The following PDE1B variants were observed in gnomAD, a reference collection of about 807,000 sequenced individuals.
The protein encoded by PDE1B is dual specificity calcium/calmodulin-dependent 3',5'-cyclic nucleotide phosphodiesterase 1B.
In PDE1B, 13 loss-of-function variants were observed where a neutral mutation model predicts 66.7. The ratio of observed to expected loss-of-function variants is 0.19; its 90% CI spans 0.13 to 0.31. The LOEUF is 0.31. PDE1B is among the 10% of genes least tolerant of loss of function. The pLI is 1.00. For synonymous variants in PDE1B, 230 were observed against 253.9 expected (o/e 0.91, Z 0.90); for missense variants, 485 against 682.3 (o/e 0.71, Z 3.22).
At chr12:54,570,099 A>G in intron 5 of PDE1B, 142 bp from the exon 6 acceptor site, 1 of 650,486 alleles carries the variant, frequency 1.5e-6, no homozygotes, top group African/African-American at 1.8e-5. Flanking sequence ...ACTGAGAGAT[A>G]TATGGGAAGA....
chr12:54,550,452 C>T (rs193222045), intron 2 of PDE1B, among the ~76,000 whole-genome samples: 1 of 152,296 alleles, frequency 6.6e-6, no homozygotes, highest in East Asian at 1.9e-4. Flanking sequence ...AATACTTGTG[C>T]CAACCTGTGG....
Position 54,569,146 on chromosome 12 carries a change from G to T in PDE1B, c.228-38G>T. On this transcript the variant is annotated intron_variant, in intron 3 of 15. Coordinates refer to ENST00000243052, the MANE Select transcript of PDE1B (RefSeq NM_000924.4). This position sits in a 1 kb window ranked among gnomAD's most constrained non-coding sequence, Gnocchi z 4.4. ...GGGTCTCTAGGCTGTGGAAGCACCT[G>T]CTGTCTTTCCTCTGTGACTCCCCTT... The T allele has an allele frequency of 6.4e-7, 1 of 1,564,204 alleles. No individual in the cohort carries two copies. Among genetic ancestry groups the T allele is most frequent in the East Asian group, 2.3e-5 (1 of 44,222 alleles).
intron 2 of PDE1B, among the ~76,000 whole-genome samples, chr12:54,564,644 C>CA (rs112890532): frequency 0.035 from 5,240 of 148,972 alleles, 292 homozygotes; most frequent in African/African-American, 0.12. Flanking sequence ...AACAAACAAA[C>CA]AAAAAAAAAC....
chr12:54,571,178 A>C (rs1332998137), intron 6 of PDE1B: 1 of 152,180 alleles, frequency 6.6e-6, no homozygotes, highest in African/African-American at 2.4e-5. Flanking sequence ...AGGTCATTCC[A>C]TCCATCCTCT....
chr12:54,569,707 C>CTTT lies in PDE1B; in HGVS notation c.477+105_477+107dup. On this transcript the variant is annotated intron_variant, in intron 5 of 15. Transcript: ENST00000243052. This position sits in a 1 kb window ranked among gnomAD's most constrained non-coding sequence, Gnocchi z 4.4. ...TGTTTATGGCATTATTTTTGCCTTC[C>CTTT]TTTTTTTTTTTTGAAATGGAGTCTC... is the stretch of plus-strand genomic sequence containing the variant. The CTTT allele has an allele frequency of 1.5e-4, 99 of 664,042 alleles. No homozygotes were observed. Among genetic ancestry groups the CTTT allele is most frequent in the East Asian group, 2.4e-4 (8 of 33,826 alleles). The allele number at this position is 664,042 out of a possible 1,614,324, so 41.1% of individuals were successfully genotyped here.
chr12:54,577,145 AC>A, intron 14 of PDE1B, 79 bp from the exon 15 acceptor site: 1 of 1,166,800 alleles, frequency 8.6e-7, no homozygotes, highest in Non-Finnish European at 1.3e-6. Context: ...AGAATCCCTT[AC>A]ATGTCTCCAC....
At chr12:54,550,125 C>G (rs1441244390) in intron 2 of PDE1B, 140 bp downstream of exon 2, 5 of 1,450,472 alleles carry the variant, frequency 3.4e-6, no homozygotes, top group Middle Eastern at 2.1e-4. Context: ...AAGCACGGCC[C>G]TGACACGCGT....
At chr12:54,550,133 C>T in intron 2 of PDE1B, 148 bp downstream of exon 2, 1 of 1,444,310 alleles carries the variant, frequency 6.9e-7, no homozygotes. Context: ...CCCTGACACG[C>T]GTGGCCAGGC....
rs1957667749 is a variant in PDE1B at position 54,573,858 on chromosome 12, A to AGG, written c.1064+150_1064+151insGG. ...AGGTATCAGACTGCATCTCTATGTG[A>AGG]GAGAGAGAGAGAGTGTGTGTGTGTG... is the stretch of plus-strand genomic sequence containing the variant. On this transcript the variant is annotated intron_variant, in intron 10 of 15. Coordinates refer to ENST00000243052, the MANE Select transcript of PDE1B (RefSeq NM_000924.4). The surrounding 1 kb of genome is among the most constrained non-coding windows in gnomAD (Gnocchi z 5.2). The AGG allele has an allele frequency of 2.0e-6, 1 of 508,778 alleles. No homozygotes were observed. Among genetic ancestry groups the AGG allele is most frequent in the Non-Finnish European group, 3.5e-6 (1 of 285,084 alleles). 31.5% of individuals were successfully genotyped at this position (508,778 alleles called of 1,614,324 possible). A position where few individuals can be genotyped will look rare whatever the true frequency, so the allele number is the denominator to read the frequency against.
intron 2 of PDE1B, among the ~76,000 whole-genome samples, chr12:54,557,546 AG>A (rs1216640499): frequency 6.6e-6 from 1 of 152,206 alleles, no homozygotes; most frequent in African/African-American, 2.4e-5. Flanking sequence ...GCTACAGAGG[AG>A]GAACAGATCC....
intron 2 of PDE1B, among the ~76,000 whole-genome samples, chr12:54,564,322 T>G (rs1057220245): frequency 6.5e-5 from 9 of 137,740 alleles, no homozygotes; most frequent in African/African-American, 2.6e-4. Flanking sequence ...CTGGGTGACC[T>G]TGTCTCTTAA....
Position 54,578,294 on chromosome 12 carries a change from G to C in PDE1B, c.*452G>C, listed in dbSNP as rs1000978372. The C allele has an allele frequency of 2.0e-5, 3 of 152,284 alleles. No homozygotes were observed. The highest frequency in any genetic ancestry group is 4.4e-5 in the Non-Finnish European group (3 of 68,084). The allele number at this position is 152,284 out of a possible 1,614,324, so 9.4% of individuals were successfully genotyped here. On this transcript the variant is annotated 3_prime_UTR_variant, in exon 16 of 16. Transcript: ENST00000243052. The stretch of plus-strand genomic sequence containing the variant: ...CCCCAGATCTTAGCTGGCAGGTCTG[G>C]GTGCCCCTTTTCCTCCCCTGGGAAG...
At chr12:54,559,757 A>G (rs970215989) in intron 2 of PDE1B, among the ~76,000 whole-genome samples, 1 of 152,120 alleles carries the variant, frequency 6.6e-6, no homozygotes, top group Admixed American at 6.5e-5. Context: ...AGGAGAGTTG[A>G]GGTTAGCACT....
At chr12:54,568,546 G>C (rs1957557919) in intron 3 of PDE1B, among the ~76,000 whole-genome samples, 1 of 149,310 alleles carries the variant, frequency 6.7e-6, no homozygotes, top group South Asian at 2.1e-4. Flanking sequence ...GGAGGTATTA[G>C]GTAAAATAAA....
At chr12:54,563,608 G>A (rs2121083631) in intron 2 of PDE1B, among the ~76,000 whole-genome samples, 1 of 152,306 alleles carries the variant, frequency 6.6e-6, no homozygotes. Flanking sequence ...AGGGAGTGTG[G>A]TGTGAGCTGG....
chr12:54,552,803 C>T (rs967898302), intron 2 of PDE1B, among the ~76,000 whole-genome samples: 1 of 152,112 alleles, frequency 6.6e-6, no homozygotes, highest in Non-Finnish European at 1.5e-5. Flanking sequence ...GATGAGTTGG[C>T]CAGGATGATT....
Position 54,549,745 on chromosome 12 carries a change from C to G in PDE1B, c.-41C>G, listed in dbSNP as rs1194866392. ...CAGCTTGGGCCGAGCCTAGAGACAC[C>G]GGCCTGGCTGGTCCACGCCAGCCGC... is the stretch of plus-strand genomic sequence containing the variant. On this transcript the variant is annotated 5_prime_UTR_variant, in exon 1 of 16. Coordinates refer to ENST00000243052, the MANE Select transcript of PDE1B (RefSeq NM_000924.4). 3 of 677,658 alleles carry G rather than the reference C, an allele frequency of 4.4e-6. No individual in the cohort carries two copies. Among genetic ancestry groups the G allele is most frequent in the Non-Finnish European group, 7.6e-6 (3 of 393,232 alleles). The allele number at this position is 677,658 out of a possible 1,614,324, so 42.0% of individuals were successfully genotyped here.
intron 2 of PDE1B, among the ~76,000 whole-genome samples, chr12:54,557,601 CA>C (rs1453484862): frequency 2.0e-5 from 3 of 152,206 alleles, no homozygotes; most frequent in Non-Finnish European, 2.9e-5. Flanking sequence ...GGACCAGACC[CA>C]AATCCTGCTG....
Position 54,570,098 on chromosome 12 carries a change from T to G in PDE1B, c.478-143T>G. 5 of 649,468 alleles carry G rather than the reference T, an allele frequency of 7.7e-6. No individual in the cohort carries two copies. In the South Asian group the frequency reaches 8.9e-5, roughly 12 times the overall value. 40.2% of individuals were successfully genotyped at this position (649,468 alleles called of 1,614,324 possible). The stretch of plus-strand genomic sequence containing the variant: ...TTCCTGTCTCTCCCATACTGAGAGA[T>G]ATATGGGAAGAAAGAGGCACACTTT... On this transcript the variant is annotated intron_variant, in intron 5 of 15. Transcript: ENST00000243052.
Sources: allele counts gnomAD v4.1 joint callset (sites outside exome capture counted in the v4.1 genomes callset), GRCh38; gene constraint gnomAD v4.1.1; non-coding constraint Gnocchi (gnomAD v3.1); transcripts MANE v1.5; gene names NCBI Gene and HGNC (gene_info 2026-07-23, HGNC 2026-07-21).